CPNE8: variants seen among roughly 807,000 people sequenced by gnomAD.
CPNE8 encodes the protein copine 8.
CPNE8 carries 45 observed loss-of-function variants against 81.5 expected under a neutral mutation model. The observed-to-expected ratio is 0.55, with a 90% CI of 0.44 to 0.71. The LOEUF (loss-of-function observed/expected upper bound fraction) is 0.71, where lower values mean the gene tolerates loss of function less well. Among genes scored for constraint, CPNE8 ranks in the 30% least tolerant of loss-of-function variants. The probability of loss-of-function intolerance (pLI) is 0.00; values close to 1 mark genes in which losing one functional copy is unlikely to be tolerated. For missense variants in CPNE8, 594 were observed against 672.1 expected, an observed-to-expected ratio of 0.88 and a Z score of 1.28; for synonymous variants, 252 against 226.3, an observed-to-expected ratio of 1.11 and a Z score of -1.02.
At chr12:38,878,717 A>G (rs1944103322) in intron 1 of CPNE8, among the ~76,000 whole-genome samples, 2 of 152,286 alleles carry the variant, frequency 1.3e-5, no homozygotes, top group East Asian at 1.9e-4. Context: ...ATTGTATCTC[A>G]TGCTTGTCTT....
At chr12:38,764,603 C>A (rs1160330554) in intron 8 of CPNE8, among the ~76,000 whole-genome samples, 1 of 109,028 alleles carries the variant, frequency 9.2e-6, no homozygotes, top group Non-Finnish European at 1.7e-5. Context: ...GGCGACAGAG[C>A]GAGACTCCGT....
intron 6 of CPNE8, among the ~76,000 whole-genome samples, chr12:38,783,514 G>A (rs146591053): frequency 6.6e-6 from 1 of 152,236 alleles, no homozygotes; most frequent in Non-Finnish European, 1.5e-5. Context: ...GTGCTGCCCT[G>A]TTATAGCAGA....
At chr12:38,733,355 C>A (rs564918629) in intron 10 of CPNE8, among the ~76,000 whole-genome samples, 55 of 151,970 alleles carry the variant, frequency 3.6e-4, no homozygotes, top group Admixed American at 1.7e-3. Context: ...CTATTACCAA[C>A]TATTCCTAGA....
rs890743859 is a variant in CPNE8 at position 38,905,587 on chromosome 12, G to T, written c.-53C>A. On this transcript the variant is annotated 5_prime_UTR_variant, in exon 1 of 20. Coordinates refer to ENST00000331366, the MANE Select transcript of CPNE8 (RefSeq NM_153634.3). ...CGGCGCCCACAACCACAGCTCGGGCGGACTGAGGGCTAGCTCCCGTCAGGC... is the reference window on the plus strand; with the variant it reads ...CGGCGCCCACAACCACAGCTCGGGCTGACTGAGGGCTAGCTCCCGTCAGGC... 3 of 1,539,146 alleles carry T rather than the reference G, an allele frequency of 1.9e-6. No individual in the cohort carries two copies. The highest frequency in any genetic ancestry group is 2.7e-5 in the African/African-American group (2 of 73,080).
chr12:38,734,699 C>A (rs1264821342), intron 10 of CPNE8, among the ~76,000 whole-genome samples: 1 of 151,966 alleles, frequency 6.6e-6, no homozygotes, highest in East Asian at 1.9e-4. Flanking sequence ...AAACATCAAC[C>A]AGAGAATTCA....
At chr12:38,784,835 T>G (rs1378756133) in intron 6 of CPNE8, among the ~76,000 whole-genome samples, 1 of 152,142 alleles carries the variant, frequency 6.6e-6, no homozygotes, top group Non-Finnish European at 1.5e-5. Flanking sequence ...AAACAAAATC[T>G]TAGGGATTTC....
intron 6 of CPNE8, among the ~76,000 whole-genome samples, chr12:38,802,674 G>A (rs1942701025): frequency 6.6e-6 from 1 of 151,904 alleles, no homozygotes; most frequent in Non-Finnish European, 1.5e-5. Context: ...AGAACTGAAG[G>A]AAATAGAGAC....
At chr12:38,836,125 G>A (rs1309537353) in intron 5 of CPNE8, among the ~76,000 whole-genome samples, 1 of 152,038 alleles carries the variant, frequency 6.6e-6, no homozygotes, top group African/African-American at 2.4e-5. Context: ...AGTTGAGTAG[G>A]TTCACTAGTA....
At chr12:38,690,566 A>ACC (rs1939650857) in intron 15 of CPNE8, among the ~76,000 whole-genome samples, 2 of 152,340 alleles carry the variant, frequency 1.3e-5, no homozygotes, top group South Asian at 2.1e-4. Flanking sequence ...GGCTCAAAGA[A>ACC]CAGACTATGG....
intron 6 of CPNE8, among the ~76,000 whole-genome samples, chr12:38,794,171 G>A (rs1942398069): frequency 2.0e-5 from 3 of 152,066 alleles, no homozygotes; most frequent in Non-Finnish European, 2.9e-5. Flanking sequence ...CAAAAGTACA[G>A]GCAACGAAAA....
At chr12:38,866,728 G>A (rs937100512) in intron 3 of CPNE8, among the ~76,000 whole-genome samples, 8 of 152,028 alleles carry the variant, frequency 5.3e-5, no homozygotes, top group Admixed American at 2.0e-4. Flanking sequence ...ATAAAAATGT[G>A]GCCTACATAG....
chr12:38,900,613 G>T (rs1383503756), intron 1 of CPNE8, among the ~76,000 whole-genome samples: 1 of 152,188 alleles, frequency 6.6e-6, no homozygotes, highest in Non-Finnish European at 1.5e-5. Context: ...GGGGAAGGGA[G>T]GTAGGGCAGG....
intron 1 of CPNE8, among the ~76,000 whole-genome samples, chr12:38,904,423 T>G (rs1944532407): frequency 1.3e-5 from 2 of 151,886 alleles, no homozygotes; most frequent in Non-Finnish European, 2.9e-5. Context: ...GGACAACGAG[T>G]TTGCAATTTA....
intron 10 of CPNE8, among the ~76,000 whole-genome samples, chr12:38,739,522 T>C (rs1941039577): frequency 6.6e-6 from 1 of 152,154 alleles, no homozygotes; most frequent in Admixed American, 6.6e-5. Context: ...CTTTGAATAT[T>C]CTATGAAAAT....
At chr12:38,854,398 C>T (rs1943695541) in intron 3 of CPNE8, among the ~76,000 whole-genome samples, 1 of 112,322 alleles carries the variant, frequency 8.9e-6, no homozygotes, top group Non-Finnish European at 1.7e-5. Flanking sequence ...TACGTCTATC[C>T]TATCAGTTCT....
chr12:38,879,116 G>A (rs1944110997), intron 1 of CPNE8, among the ~76,000 whole-genome samples: 1 of 152,130 alleles, frequency 6.6e-6, no homozygotes, highest in Non-Finnish European at 1.5e-5. Context: ...CTTATTGAGA[G>A]AGTCAGGTGG....
chr12:38,745,368 C>A (rs555454050), intron 10 of CPNE8, among the ~76,000 whole-genome samples: 1 of 152,174 alleles, frequency 6.6e-6, no homozygotes, highest in Non-Finnish European at 1.5e-5. Context: ...CAGGAAACAT[C>A]CATGCTTTGC....
chr12:38,737,247 G>C (rs937642077), intron 10 of CPNE8, among the ~76,000 whole-genome samples: 4 of 151,892 alleles, frequency 2.6e-5, no homozygotes, highest in African/African-American at 9.7e-5. Flanking sequence ...TACTAAATCT[G>C]TATTCTTGTA....
intron 3 of CPNE8, among the ~76,000 whole-genome samples, chr12:38,851,107 A>G (rs780516297): frequency 3.3e-5 from 5 of 152,198 alleles, no homozygotes; most frequent in Non-Finnish European, 7.3e-5. Flanking sequence ...GGCTTCCCAG[A>G]CTTCAGAACT....
Sources: gnomAD v4.1 joint callset for allele counts (sites outside exome capture counted in the v4.1 genomes callset) on GRCh38, gnomAD v4.1.1 for gene constraint, MANE v1.5 for transcripts, NCBI Gene and HGNC (gene_info 2026-07-23, HGNC 2026-07-21) for gene names.